Variants in ESRP1 observed in about 807,000 individuals in gnomAD.
ESRP1 encodes RNA-binding motif protein 35A.
In ESRP1, 33 loss-of-function variants were observed where a neutral mutation model predicts 81.7. The observed-to-expected ratio is 0.40, with a 90% CI of 0.31 to 0.54. ESRP1 has a LOEUF of 0.54. Ranked by LOEUF, ESRP1 falls within the 20% of genes least tolerant of loss-of-function variation. ESRP1 has a pLI of 0.41. For missense variants in ESRP1, 672 were observed against 833.1 expected (o/e 0.81, Z 2.38); for synonymous variants, 320 against 303.3 (o/e 1.06, Z -0.57).
At chr8:94,684,911 C>T (rs890802143) in intron 13 of ESRP1, among the ~76,000 whole-genome samples, 8 of 151,894 alleles carry the variant, frequency 5.3e-5, no homozygotes, top group Non-Finnish European at 1.0e-4. Flanking sequence ...CATTTGTAGT[C>T]CCAGCTACCT....
intron 3 of ESRP1, among the ~76,000 whole-genome samples, chr8:94,644,488 T>G (rs1026161546): frequency 1.3e-5 from 2 of 152,182 alleles, no homozygotes; most frequent in African/African-American, 4.8e-5. Flanking sequence ...TATACGAGTC[T>G]TAGTAATTAT....
rs1050742337 is a variant in ESRP1 at position 94,641,855 on chromosome 8, A to G, written c.133-101A>G. 15 of 1,535,598 alleles carry G rather than the reference A, an allele frequency of 9.8e-6. No individual in the cohort carries two copies. The Admixed American group carries it at 2.1e-4, about 21-fold the overall frequency. ...AGCTTTGATTCTGCGTCCGGACCCCAAGAGAGGCGCGGGCCGCCCCAGCAG... is the reference window on the plus strand; with the variant it reads ...AGCTTTGATTCTGCGTCCGGACCCCGAGAGAGGCGCGGGCCGCCCCAGCAG... On this transcript the variant is annotated intron_variant, in intron 1 of 15. Coordinates refer to ENST00000433389, the MANE Select transcript of ESRP1 (RefSeq NM_017697.4).
chr8:94,691,649 A>G (rs148111037), intron 13 of ESRP1, among the ~76,000 whole-genome samples: 43 of 152,286 alleles, frequency 2.8e-4, no homozygotes, highest in Non-Finnish European at 5.9e-4. Context: ...CTATTAAGCT[A>G]TCTGTTAGGA....
chr8:94,690,276 A>ATTTTTTTTT lies in ESRP1; in HGVS notation c.1821-2381_1821-2373dup, dbSNP rs373440584. Among the ~76,000 whole-genome samples the ATTTTTTTTT allele has an allele frequency of 3.4e-4, 21 of 61,368 alleles. 2 individuals carry two copies. The highest frequency in any genetic ancestry group is 1.3e-3 in the African/African-American group (19 of 14,836). The allele number at this position is 61,368 out of a possible 152,430, so 40.3% of individuals were successfully genotyped here. On this transcript the variant is annotated intron_variant, in intron 13 of 15. Transcript: ENST00000433389. ...AGGCATGAGCTACAATGCCTGGCTA[A>ATTTTTTTTT]TTTTTTTTTTTTTTTTTTTTTTTTT...
chr8:94,641,600 A>G, intron 1 of ESRP1, 150 bp downstream of exon 1: 1 of 1,131,112 alleles, frequency 8.8e-7, no homozygotes, highest in Non-Finnish European at 1.3e-6. Context: ...AAGCTAGAGT[A>G]AAACCAAACT....
At chr8:94,693,082 G>C (rs1286182722) in intron 14 of ESRP1, among the ~76,000 whole-genome samples, 1 of 152,154 alleles carries the variant, frequency 6.6e-6, no homozygotes, top group East Asian at 1.9e-4. Context: ...TTTTTGAAAA[G>C]TGAGCTACTT....
chr8:94,682,932 ATTTTTTTTTTTTTTT>A (rs869078492), intron 13 of ESRP1, among the ~76,000 whole-genome samples: 1 of 18,092 alleles, frequency 5.5e-5, no homozygotes, highest in Non-Finnish European at 8.2e-5. Flanking sequence ...ATATATATAT[ATTTTTTTTTTTTTTT>A]TTTTTTTTTT....
At chr8:94,681,368 T>C (rs1808877540) in intron 13 of ESRP1, among the ~76,000 whole-genome samples, 1 of 129,244 alleles carries the variant, frequency 7.7e-6, no homozygotes, top group East Asian at 2.4e-4. Flanking sequence ...CTTGGCATGG[T>C]GGCTCACTCC....
At chr8:94,660,709 CAAAAAAAAAAAAAAAAAAAAA>C (rs60316449) in intron 4 of ESRP1, among the ~76,000 whole-genome samples, 3 of 43,532 alleles carry the variant, frequency 6.9e-5, no homozygotes, top group African/African-American at 1.1e-4. Flanking sequence ...GAGACTATCT[CAAAAAAAAAAAAAAAAAAAAA>C]AAAAAAAAAA....
rs187958981 is a variant in ESRP1, at chr8:94,704,411, T to C, written c.*36-1514T>C. On this transcript the variant is annotated intron_variant, in intron 15 of 15. Coordinates refer to ENST00000433389, the MANE Select transcript of ESRP1 (RefSeq NM_017697.4). Reference sequence around the variant, plus strand: ...CAAGAGGAACACTTGAGGCTGAGTTTGAGACTAGCCTGGACGACATAGGGA... The same window carrying C: ...CAAGAGGAACACTTGAGGCTGAGTTCGAGACTAGCCTGGACGACATAGGGA... Among the ~76,000 whole-genome samples, 4 of 152,174 alleles carry C rather than the reference T, an allele frequency of 2.6e-5. No individual in the cohort carries two copies. In the East Asian group the frequency reaches 5.8e-4, roughly 22 times the overall value.
At chr8:94,680,125 C>T (rs1808815479) in intron 13 of ESRP1, among the ~76,000 whole-genome samples, 1 of 151,932 alleles carries the variant, frequency 6.6e-6, no homozygotes, top group African/African-American at 2.4e-5. Flanking sequence ...TCAAGTAATC[C>T]ACTGCCTCAG....
chr8:94,649,128 G>A (rs1430433454), intron 4 of ESRP1, among the ~76,000 whole-genome samples: 1 of 152,192 alleles, frequency 6.6e-6, no homozygotes, highest in Non-Finnish European at 1.5e-5. Context: ...GGCTGAGGCA[G>A]AAGAATCACT....
chr8:94,684,602 T>C (rs899473576), intron 13 of ESRP1, among the ~76,000 whole-genome samples: 2 of 152,198 alleles, frequency 1.3e-5, no homozygotes, highest in African/African-American at 4.8e-5. Flanking sequence ...GTGGTCATTT[T>C]ACAAAGCAGT....
In ESRP1 at chr8:94,653,959, T is replaced by C. The variant is rs1818277274; in HGVS notation, c.490+7677T>C. The stretch of plus-strand genomic sequence containing the variant: ...TGTCATCTGCAGTGAGTGAAGTGAC[T>C]AGAAATACTGCATATTCCTTGCCAG... On this transcript the variant is annotated intron_variant, in intron 4 of 15. Transcript: ENST00000433389. Among the ~76,000 whole-genome samples, 3 of 152,352 alleles carry C rather than the reference T, an allele frequency of 2.0e-5. No individual in the cohort carries two copies. In the South Asian group the frequency reaches 6.2e-4, roughly 32 times the overall value.
At chr8:94,653,192 G>A (rs1336409400) in intron 4 of ESRP1, among the ~76,000 whole-genome samples, 1 of 152,008 alleles carries the variant, frequency 6.6e-6, no homozygotes, top group African/African-American at 2.4e-5. Context: ...AGGTTATTAG[G>A]GTGTGTATAT....
chr8:94,674,144 G>A (rs1819475157), intron 11 of ESRP1, among the ~76,000 whole-genome samples, 164 bp from the exon 12 acceptor site: 1 of 152,178 alleles, frequency 6.6e-6, no homozygotes, highest in South Asian at 2.1e-4. Flanking sequence ...GTGATCAGGT[G>A]ATGAAATGCA....
At chr8:94,698,024 GC>G (rs1380322293) in intron 15 of ESRP1, among the ~76,000 whole-genome samples, 1 of 151,998 alleles carries the variant, frequency 6.6e-6, no homozygotes, top group Non-Finnish European at 1.5e-5. Context: ...CCTGTGATCT[GC>G]CCACCTCAGC....
chr8:94,695,611 C>T (rs192124874), intron 14 of ESRP1, among the ~76,000 whole-genome samples: 128 of 150,096 alleles, frequency 8.5e-4, no homozygotes, highest in Non-Finnish European at 1.6e-3. Context: ...GACCCGCCTG[C>T]GTTGGCATCC....
intron 15 of ESRP1, 104 bp from the exon 16 acceptor site, chr8:94,705,821 C>T (rs1452001620): frequency 3.7e-6 from 4 of 1,086,316 alleles, no homozygotes; most frequent in African/African-American, 1.6e-5. Context: ...GCTTTTTTTC[C>T]ACAAAGTCCT....
Sources: gnomAD v4.1 joint callset for allele counts (sites outside exome capture counted in the v4.1 genomes callset) on GRCh38, gnomAD v4.1.1 for gene constraint, MANE v1.5 for transcripts, NCBI Gene and HGNC (gene_info 2026-07-23, HGNC 2026-07-21) for gene names.